Variants in BAZ2B observed in about 807,000 individuals in gnomAD.
BAZ2B encodes bromodomain adjacent to zinc finger domain 2B.
A neutral mutation model predicts 246.0 loss-of-function variants in BAZ2B; 91 were observed. That is an observed-to-expected ratio of 0.37 (90% confidence interval 0.31 to 0.44). The LOEUF is 0.44. Ranked by LOEUF, BAZ2B falls within the 20% of genes least tolerant of loss-of-function variation. BAZ2B has a pLI of 1.00. For missense variants in BAZ2B, 2,332 were observed against 2,533.7 expected, an observed-to-expected ratio of 0.92 and a Z score of 1.71; for synonymous variants, 855 against 860.0, an observed-to-expected ratio of 0.99 and a Z score of 0.10.
intron 25 of BAZ2B, among the ~76,000 whole-genome samples, chr2:159,381,216 T>C (rs1358573689): frequency 6.6e-6 from 1 of 152,182 alleles, no homozygotes; most frequent in East Asian, 1.9e-4. Context: ...CAGATCTATA[T>C]TTCTAAGAGC....
At chr2:159,547,039 A>G (rs542913810) in intron 2 of BAZ2B, among the ~76,000 whole-genome samples, 1 of 152,202 alleles carries the variant, frequency 6.6e-6, no homozygotes, top group Non-Finnish European at 1.5e-5. Context: ...AGAAAAAAAG[A>G]CACACAGGAA....
At chr2:159,567,244 A>G (rs1246681637) in intron 1 of BAZ2B, among the ~76,000 whole-genome samples, 1 of 152,172 alleles carries the variant, frequency 6.6e-6, no homozygotes, top group Non-Finnish European at 1.5e-5. Flanking sequence ...GAAAAAAAGA[A>G]AAAAATTCAT....
At chr2:159,324,147 T>C (rs556369384) in intron 36 of BAZ2B, among the ~76,000 whole-genome samples, 3 of 146,802 alleles carry the variant, frequency 2.0e-5, no homozygotes, top group South Asian at 2.3e-4. Context: ...CTAAATAATA[T>C]ACTGGATAAT....
intron 14 of BAZ2B, among the ~76,000 whole-genome samples, chr2:159,406,675 C>T (rs565338395): frequency 2.6e-5 from 4 of 152,274 alleles, no homozygotes; most frequent in Non-Finnish European, 4.4e-5. Context: ...AACATAATTG[C>T]TAACACGTGA....
chr2:159,329,414 C>T (rs1460672231), intron 34 of BAZ2B, among the ~76,000 whole-genome samples: 1 of 152,060 alleles, frequency 6.6e-6, no homozygotes, highest in Non-Finnish European at 1.5e-5. Flanking sequence ...GATCCTGGAG[C>T]TAATCCCTTG....
At chr2:159,668,220 T>C in the BAZ2B span, among the ~76,000 whole-genome samples, 1 of 152,330 alleles carries the variant, frequency 6.6e-6, no homozygotes, top group East Asian at 1.9e-4. Context: ...TTTAACATTG[T>C]TAATTCATTC....
At chr2:159,367,366 C>T (rs985606745) in intron 27 of BAZ2B, among the ~76,000 whole-genome samples, 4 of 152,108 alleles carry the variant, frequency 2.6e-5, no homozygotes, top group Admixed American at 1.3e-4. Flanking sequence ...GTTATTAGCA[C>T]TGTGTGTAAT....
chr2:159,386,328 C>G, intron 22 of BAZ2B, 25 bp downstream of exon 22: 7 of 1,584,068 alleles, frequency 4.4e-6, no homozygotes, highest in Non-Finnish European at 6.0e-6. Context: ...AAATTTAAAA[C>G]ATTTTATATT....
At chr2:159,370,456 C>T (rs1346853597) in intron 27 of BAZ2B, among the ~76,000 whole-genome samples, 2 of 148,050 alleles carry the variant, frequency 1.4e-5, no homozygotes, top group African/African-American at 2.5e-5. Context: ...CTACAAGCTC[C>T]GTCTCCCGGG....
At position 159,349,954 on chromosome 2, in the gene BAZ2B, G is replaced by C; in HGVS notation, c.4617C>G (p.Phe1539Leu). 1 of 1,614,200 alleles carries C rather than the reference G, an allele frequency of 6.2e-7. No homozygotes were observed. The highest frequency in any genetic ancestry group is 8.5e-7 in the Non-Finnish European group (1 of 1,180,018). ...ACTGGTCATTGGGGAGAGGACTGTAGAACTTCCCTGGACCACTTGAACCAG... is the reference window on the plus strand; with the variant it reads ...ACTGGTCATTGGGGAGAGGACTGTACAACTTCCCTGGACCACTTGAACCAG... Reference protein sequence around the residue: ...FNTGSSGPGKFYSPLPNDQLL... With the variant: ...FNTGSSGPGKLYSPLPNDQLL... The change falls in exon 28 of 37, where the codon TTC (phenylalanine) becomes TTG (leucine). Residue 1539 changes from phenylalanine to leucine, a missense_variant. By Grantham distance (22) the Phe-to-Leu change is conservative. Coordinates refer to ENST00000392783, the MANE Select transcript of BAZ2B (RefSeq NM_013450.4).
At chr2:159,604,956 G>GCGCA (rs1693100374) in intron 1 of BAZ2B, among the ~76,000 whole-genome samples, 1 of 147,192 alleles carries the variant, frequency 6.8e-6, no homozygotes, top group South Asian at 2.2e-4. Context: ...GTGTGTGCGC[G>GCGCA]TGTGTGCGCG....
chr2:159,574,842 C>A (rs140636677), intron 1 of BAZ2B, among the ~76,000 whole-genome samples: 1 of 151,810 alleles, frequency 6.6e-6, no homozygotes, highest in African/African-American at 2.4e-5. Context: ...TGGTGGCATG[C>A]GCCTGTAATC....
chr2:159,439,688 G>T (rs1165642355), intron 6 of BAZ2B, among the ~76,000 whole-genome samples: 1 of 152,152 alleles, frequency 6.6e-6, no homozygotes, highest in Non-Finnish European at 1.5e-5. Context: ...AAACTTACTA[G>T]TGCTGGTGAT....
At chr2:159,507,362 G>T (rs1242303321) in intron 2 of BAZ2B, among the ~76,000 whole-genome samples, 1 of 151,754 alleles carries the variant, frequency 6.6e-6, no homozygotes, top group Non-Finnish European at 1.5e-5. Context: ...ACGACAGTGA[G>T]GAGGTTAAAA....
intron 8 of BAZ2B, chr2:159,434,140 A>G (rs912897187): frequency 6.8e-6 from 1 of 147,314 alleles, no homozygotes; most frequent in Non-Finnish European, 1.5e-5. Context: ...TTGAAAGATC[A>G]TAAGTCAAAG....
chr2:159,373,716 C>T lies in BAZ2B; in HGVS notation c.4069-527G>A, dbSNP rs538198682. Among the ~76,000 whole-genome samples the T allele has an allele frequency of 1.1e-4, 17 of 152,204 alleles. 1 individual carries two copies. The East Asian group carries it at 3.3e-3, about 29-fold the overall frequency. On this transcript the variant is annotated intron_variant, in intron 26 of 36. Coordinates refer to ENST00000392783, the MANE Select transcript of BAZ2B (RefSeq NM_013450.4). ...GCACGGTGGCACATGCCTGTAGTTC[C>T]ACCACCAGGGAGGCTGAGGTGGGAG...
the BAZ2B span, among the ~76,000 whole-genome samples, chr2:159,625,551 C>G: frequency 1.3e-5 from 2 of 152,138 alleles, no homozygotes; most frequent in African/African-American, 4.8e-5. Flanking sequence ...GAATTTTCAA[C>G]CCAGAATTTC....
chr2:159,517,248 T>C (rs1023470608), intron 2 of BAZ2B, among the ~76,000 whole-genome samples: 1 of 152,078 alleles, frequency 6.6e-6, no homozygotes, highest in Non-Finnish European at 1.5e-5. Flanking sequence ...ATATTTAACC[T>C]GTGAGCATTT....
At chr2:159,395,101 A>T (rs967749206) in intron 20 of BAZ2B, among the ~76,000 whole-genome samples, 2 of 135,332 alleles carry the variant, frequency 1.5e-5, no homozygotes, top group African/African-American at 2.9e-5. Flanking sequence ...TCTCAATTTT[A>T]AAAAAATGGC....
Sources: allele counts gnomAD v4.1 joint callset (sites outside exome capture counted in the v4.1 genomes callset), GRCh38; gene constraint gnomAD v4.1.1; transcripts MANE v1.5; gene names NCBI Gene and HGNC (gene_info 2026-07-23, HGNC 2026-07-21).